Variants in MPHOSPH10 observed in about 807,000 individuals in gnomAD.
MPHOSPH10 encodes the protein U3 small nucleolar ribonucleoprotein MPP10.
In MPHOSPH10, 33 loss-of-function variants were observed where a neutral mutation model predicts 77.3. The ratio of observed to expected loss-of-function variants is 0.43; its 90% CI spans 0.32 to 0.57. MPHOSPH10 has a LOEUF of 0.57. Among genes scored for constraint, MPHOSPH10 ranks in the 20% least tolerant of loss-of-function variants. The probability of loss-of-function intolerance (pLI) is 0.07; values close to 1 mark genes in which losing one functional copy is unlikely to be tolerated. For synonymous variants in MPHOSPH10, 245 were observed against 268.0 expected, an observed-to-expected ratio of 0.91 and a Z score of 0.84; for missense variants, 708 against 780.1, an observed-to-expected ratio of 0.91 and a Z score of 1.10.
intron 4 of MPHOSPH10, among the ~76,000 whole-genome samples, chr2:71,135,645 T>G (rs114582895): frequency 0.3 from 44,765 of 151,372 alleles, 6,783 homozygotes; most frequent in Admixed American, 0.39. Context: ...CCTGTGAGCA[T>G]CTTAACTGTT....
At chr2:71,149,592 C>T (rs932672022) in intron 10 of MPHOSPH10, 139 bp downstream of exon 10, 8 of 843,486 alleles carry the variant, frequency 9.5e-6, no homozygotes, top group Middle Eastern at 2.8e-4. Flanking sequence ...TGGCTGGAAT[C>T]GCAACCTTTA....
chr2:71,132,125 C>A (rs1438311206), intron 1 of MPHOSPH10, among the ~76,000 whole-genome samples: 1 of 152,230 alleles, frequency 6.6e-6, no homozygotes, highest in Non-Finnish European at 1.5e-5. Context: ...CCAAACTATA[C>A]TCAGCATATT....
chr2:71,133,669 A>G, intron 2 of MPHOSPH10, 93 bp downstream of exon 2: 1 of 1,312,614 alleles, frequency 7.6e-7, no homozygotes, highest in Non-Finnish European at 1.0e-6. Flanking sequence ...TAGAAGATTT[A>G]GTGATAAGAA....
Position 71,134,689 on chromosome 2 carries a change from A to G in MPHOSPH10, c.990A>G (p.Arg330=). 6.2e-7 allele frequency: 1 copy of G among 1,612,288 alleles called. No individual in the cohort carries two copies. The highest frequency in any genetic ancestry group is 8.5e-7 in the Non-Finnish European group (1 of 1,179,302). Reference sequence around the variant, plus strand: ...AACAACATAAAGAAAGCTTGAAAAGAGTGACCTTTGCTTTACCAGATGATG... The same window carrying G: ...AACAACATAAAGAAAGCTTGAAAAGGGTGACCTTTGCTTTACCAGATGATG... ...DNKQHKESLK[R]VTFALPDDAE... is the part of the protein sequence containing the mutation. The change falls in exon 4 of 11, where the codon AGA becomes AGG. Residue 330 remains arginine, a synonymous_variant. Coordinates refer to ENST00000244230, the MANE Select transcript of MPHOSPH10 (RefSeq NM_005791.3).
chr2:71,149,001 C>T, intron 9 of MPHOSPH10: 1 of 549,032 alleles, frequency 1.8e-6, no homozygotes, highest in Non-Finnish European at 3.2e-6. Flanking sequence ...GGGAACTGAA[C>T]CGTCACTATA....
In MPHOSPH10 at chr2:71,133,065, C is replaced by T. The variant is rs201101221; in HGVS notation, c.257C>T (p.Pro86Leu). The T allele has an allele frequency of 6.3e-4, 1,013 of 1,614,024 alleles. 18 individuals carry two copies. In the South Asian group the frequency reaches 0.011, roughly 17 times the overall value. Reference sequence around the variant, plus strand: ...CAACAACTGGAATTGCAAAATGAACCAATTTTACAATACTTTCAGAATGCA... The same window carrying T: ...CAACAACTGGAATTGCAAAATGAACTAATTTTACAATACTTTCAGAATGCA... ...IWQQLELQNEPILQYFQNAVS... is the reference protein window; with the variant it reads ...IWQQLELQNELILQYFQNAVS... Residue 86 changes from proline to leucine, a missense_variant, in exon 2 of 11, where the codon CCA (proline) becomes CTA (leucine). Coordinates refer to ENST00000244230, the MANE Select transcript of MPHOSPH10 (RefSeq NM_005791.3).
Position 71,149,362 on chromosome 2 carries a change from G to T in MPHOSPH10, c.1805G>T (p.Ser602Ile), listed in dbSNP as rs569113365. Residue 602 changes from serine (S) to isoleucine (I), a missense_variant, in exon 10 of 11, where the codon AGC becomes ATC. Around this residue, in one of 3 missense-constraint regions of MPHOSPH10, gnomAD observed 263 missense variants for 320.0 expected, o/e 0.82. Coordinates refer to ENST00000244230, the MANE Select transcript of MPHOSPH10 (RefSeq NM_005791.3). ...KEKRRKLLEK[S>I]SVDQAGKYSK... is the part of the protein sequence containing the mutation. The stretch of plus-strand genomic sequence containing the variant: ...AAGCGGAGAAAACTGCTTGAAAAGA[G>T]CAGTGTAGATCAAGCAGGGAAATAC... 4.3e-6 allele frequency: 7 copies of T among 1,614,172 alleles called. No individual in the cohort carries two copies. The highest frequency in any genetic ancestry group is 5.9e-6 in the Non-Finnish European group (7 of 1,180,008).
intron 7 of MPHOSPH10, among the ~76,000 whole-genome samples, chr2:71,142,060 C>A (rs964053774): frequency 6.6e-6 from 1 of 151,892 alleles, no homozygotes; most frequent in Non-Finnish European, 1.5e-5. Context: ...AGGAAGAAAT[C>A]GCTGGTTAAA....
rs752013233 is a variant in MPHOSPH10 at position 71,133,364 on chromosome 2, G to C, written c.556G>C (p.Val186Leu). The change falls in exon 2 of 11, where the codon GTG becomes CTG. Residue 186 changes from valine to leucine, a missense_variant. Physicochemically the swap from Val to Leu is conservative, Grantham distance 32. Transcript: ENST00000244230. Reference protein sequence around the residue: ...DISKLEQQSKVQNKGQGKPRE... With the variant: ...DISKLEQQSKLQNKGQGKPRE... ...CAGCAAATTGGAACAGCAGAGCAAGGTGCAAAACAAAGGACAGGGAAAACC... is the reference window on the plus strand; with the variant it reads ...CAGCAAATTGGAACAGCAGAGCAAGCTGCAAAACAAAGGACAGGGAAAACC... 1 of 1,613,994 alleles carries C rather than the reference G, an allele frequency of 6.2e-7. No homozygotes were observed. The highest frequency in any genetic ancestry group is 8.5e-7 in the Non-Finnish European group (1 of 1,180,016).
Position 71,149,983 on chromosome 2 carries a change from C to G in MPHOSPH10, c.2014C>G (p.Gln672Glu). ...KKTEKKKKKR[Q>E]DISVHKLKL ...AACAGAAAAGAAAAAGAAGAAAAGA[C>G]AGGATATTTCTGTTCATAAATTAAA... Residue 672 changes from glutamine (Q) to glutamate (E), a missense_variant, in exon 11 of 11, where the codon CAG becomes GAG. Coordinates refer to ENST00000244230, the MANE Select transcript of MPHOSPH10 (RefSeq NM_005791.3). 1.4e-6 allele frequency: 2 copies of G among 1,433,090 alleles called. No individual in the cohort carries two copies. Among genetic ancestry groups the G allele is most frequent in the Non-Finnish European group, 1.9e-6 (2 of 1,050,954 alleles). The allele number at this position is 1,433,090 out of a possible 1,614,324, so 88.8% of individuals were successfully genotyped here. A position where few individuals can be genotyped will look rare whatever the true frequency, so the allele number is the denominator to read the frequency against.
chr2:71,136,392 A>G (rs755032153), intron 4 of MPHOSPH10, among the ~76,000 whole-genome samples: 5 of 152,014 alleles, frequency 3.3e-5, no homozygotes, highest in East Asian at 1.9e-4. Flanking sequence ...GTGTGTGCCT[A>G]TAGTCTTTGC....
At chr2:71,148,157 A>T in intron 9 of MPHOSPH10, 51 bp downstream of exon 9, 7 of 1,438,930 alleles carry the variant, frequency 4.9e-6, no homozygotes, top group Non-Finnish European at 6.9e-6. Flanking sequence ...TTAGTTGATC[A>T]TAGCCAGACT....
At chr2:71,149,172 C>T (rs1044898778) in intron 9 of MPHOSPH10, 51 bp from the exon 10 acceptor site, 28 of 1,482,690 alleles carry the variant, frequency 1.9e-5, no homozygotes, top group Non-Finnish European at 2.4e-5. Flanking sequence ...TTCCAGTTTC[C>T]TAGTTGTTAA....
At chr2:71,146,233 A>G (rs1330813508) in intron 8 of MPHOSPH10, among the ~76,000 whole-genome samples, 1 of 151,064 alleles carries the variant, frequency 6.6e-6, no homozygotes, top group Non-Finnish European at 1.5e-5. Context: ...TAGAATTGCT[A>G]GTGTAGGTTC....
In MPHOSPH10 at chr2:71,133,660, A is replaced by G. The variant is rs984994370; in HGVS notation, c.768+84A>G. 5 of 1,359,100 alleles carry G rather than the reference A, an allele frequency of 3.7e-6. No homozygotes were observed. The African/African-American group carries it at 5.8e-5, about 16-fold the overall frequency. 84.2% of individuals were successfully genotyped at this position (1,359,100 alleles called of 1,614,324 possible). A position where few individuals can be genotyped will look rare whatever the true frequency, so the allele number is the denominator to read the frequency against. On this transcript the variant is annotated intron_variant, in intron 2 of 10. Coordinates refer to ENST00000244230, the MANE Select transcript of MPHOSPH10 (RefSeq NM_005791.3). ...TTCTAGGAGAGATTTAATTGTAGTT[A>G]GAAGATTTAGTGATAAGAAATATTG...
intron 9 of MPHOSPH10, 29 bp downstream of exon 9, chr2:71,148,135 G>A (rs748181295): frequency 1.3e-6 from 2 of 1,566,590 alleles, no homozygotes; most frequent in African/African-American, 1.4e-5. Flanking sequence ...AACCTTAAAT[G>A]TCTGTTACAA....
intron 4 of MPHOSPH10, among the ~76,000 whole-genome samples, chr2:71,135,910 G>T (rs2103665101): frequency 6.6e-6 from 1 of 151,918 alleles, no homozygotes; most frequent in African/African-American, 2.4e-5. Context: ...TCACCATGTT[G>T]GCCAGGCTGG....
At position 71,133,301 on chromosome 2, in the gene MPHOSPH10, G is replaced by C. The variant is rs150757204; in HGVS notation, c.493G>C (p.Val165Leu). Residue 165 changes from valine to leucine, a missense_variant, in exon 2 of 11, where the codon GTT becomes CTT. This residue lies in a region of MPHOSPH10 where 433 missense variants were observed against 432.6 expected (regional missense o/e 1.00). Transcript: ENST00000244230. ...SSKSDLRKSP[V>L]FSDEDSDLDF... ...CAAATCTGATCTGAGGAAAAGCCCC[G>C]TTTTCAGTGATGAGGATTCTGACCT... 3.7e-6 allele frequency: 6 copies of C among 1,613,944 alleles called. No individual in the cohort carries two copies. The highest frequency in any genetic ancestry group is 8.5e-7 in the Non-Finnish European group (1 of 1,180,016).
At chr2:71,133,873 C>T in intron 2 of MPHOSPH10, 75 bp from the exon 3 acceptor site, 1 of 1,045,532 alleles carries the variant, frequency 9.6e-7, no homozygotes, top group Non-Finnish European at 1.3e-6. Flanking sequence ...ATACAATATA[C>T]ATGCAAATCT....
Sources: allele counts gnomAD v4.1 joint callset (sites outside exome capture counted in the v4.1 genomes callset), GRCh38; gene constraint gnomAD v4.1.1; regional missense constraint gnomAD v4.1.1; transcripts MANE v1.5; gene names NCBI Gene and HGNC (gene_info 2026-07-23, HGNC 2026-07-21).